The following SMIM41 variants were observed in gnomAD, a reference collection of about 807,000 sequenced individuals.
SMIM41 encodes the protein small integral membrane protein 41.
chr12:52,083,339 G>GT (rs1309276551), intron 1 of SMIM41, among the ~76,000 whole-genome samples: 3 of 152,316 alleles, frequency 2.0e-5, no homozygotes, highest in African/African-American at 4.8e-5. Flanking sequence ...TCTGTGGCCT[G>GT]TTATTAAATA....
At chr12:52,080,903 A>T (rs1426385264) in intron 1 of SMIM41, among the ~76,000 whole-genome samples, 1 of 151,694 alleles carries the variant, frequency 6.6e-6, no homozygotes, top group Non-Finnish European at 1.5e-5. Flanking sequence ...GGGGGAGTAG[A>T]TGTAGCCCAG....
chr12:52,091,222 G>A (rs1939996748), intron 2 of SMIM41, among the ~76,000 whole-genome samples: 1 of 152,006 alleles, frequency 6.6e-6, no homozygotes, highest in Non-Finnish European at 1.5e-5. Flanking sequence ...TTGCTCCATG[G>A]TCCCCTCTGC....
At position 52,107,789 on chromosome 12, in the gene SMIM41, TCA is replaced by T. The variant is rs1940371934; in HGVS notation, c.*607_*608del. 5.3e-6 allele frequency: 2 copies of T among 376,900 alleles called. No homozygotes were observed. The highest frequency in any genetic ancestry group is 3.6e-5 in the Admixed American group (1 of 27,506). The allele number at this position is 376,900 out of a possible 1,614,324, so 23.3% of individuals were successfully genotyped here. ...CTAGTTTTGCTGTCTTTTTTTTTTC[TCA>T]GTCTTTTAGACTCCCAGCTGTACAA... is the stretch of plus-strand genomic sequence containing the variant. On this transcript the variant is annotated 3_prime_UTR_variant, in exon 3 of 3. Transcript: ENST00000546390.
chr12:52,099,943 A>G (rs1237703549), intron 2 of SMIM41, among the ~76,000 whole-genome samples: 1 of 151,974 alleles, frequency 6.6e-6, no homozygotes, highest in African/African-American at 2.4e-5. Flanking sequence ...CCACCCAGGA[A>G]ATTACTAACA....
At chr12:52,096,187 C>T (rs1305739546) in intron 2 of SMIM41, among the ~76,000 whole-genome samples, 2 of 151,104 alleles carry the variant, frequency 1.3e-5, no homozygotes, top group African/African-American at 2.4e-5. Context: ...TCTCCCCCTC[C>T]GGATATTAGG....
At chr12:52,099,966 G>T (rs1356538819) in intron 2 of SMIM41, among the ~76,000 whole-genome samples, 2 of 151,934 alleles carry the variant, frequency 1.3e-5, no homozygotes, top group Non-Finnish European at 2.9e-5. Flanking sequence ...GTCACGGGGG[G>T]TTGTGTACTA....
chr12:52,107,843 TC>T lies in SMIM41; in HGVS notation c.*661del. The T allele has an allele frequency of 2.9e-6, 1 of 350,562 alleles. No homozygotes were observed. The highest frequency in any genetic ancestry group is 2.3e-5 in the South Asian group (1 of 43,658). 21.7% of individuals were successfully genotyped at this position (350,562 alleles called of 1,614,324 possible). On this transcript the variant is annotated 3_prime_UTR_variant, in exon 3 of 3. Coordinates refer to ENST00000546390, the MANE Select transcript of SMIM41 (RefSeq NM_001369216.1). The stretch of plus-strand genomic sequence containing the variant: ...TTGATTGCCTTACTAATGACCTGCT[TC>T]AAGGAGGTGGACATTCCTAATTTCT...
At chr12:52,100,622 A>ATTTTTTTTTTTTTTT (rs1173057236) in intron 2 of SMIM41, among the ~76,000 whole-genome samples, 25 of 111,126 alleles carry the variant, frequency 2.2e-4, no homozygotes, top group African/African-American at 4.2e-4. Flanking sequence ...GCGCCCAGCT[A>ATTTTTTTTTTTTTTT]TTTTTTTTTT....
rs558849585 is a variant in SMIM41 at position 52,089,177 on chromosome 12, T to C, written c.*195+5209T>C. ...AGAGCCTGTCAGATGGTGTATTAGC[T>C]CCTGGGGCTGCCATAACAAATACCA... On this transcript the variant is annotated intron_variant, in intron 2 of 2. Transcript: ENST00000546390. Among the ~76,000 whole-genome samples the C allele has an allele frequency of 2.5e-3, 381 of 152,108 alleles. 1 individual carries two copies. The highest frequency in any genetic ancestry group is 9.0e-3 in the African/African-American group (373 of 41,482).
At chr12:52,083,628 C>T (rs900329707) in intron 1 of SMIM41, among the ~76,000 whole-genome samples, 4 of 152,202 alleles carry the variant, frequency 2.6e-5, no homozygotes, top group Non-Finnish European at 5.9e-5. Context: ...CCGCTTCATT[C>T]AACCAGTCAC....
chr12:52,104,723 C>G (rs759478810), intron 2 of SMIM41, among the ~76,000 whole-genome samples: 2 of 152,084 alleles, frequency 1.3e-5, no homozygotes, highest in Non-Finnish European at 1.5e-5. Context: ...TTTCCTCCCC[C>G]ACTGGTTGTC....
chr12:52,079,750 C>G lies in SMIM41; in HGVS notation c.-30C>G. On this transcript the variant is annotated 5_prime_UTR_variant, in exon 1 of 3. Transcript: ENST00000546390. ...CTGGGCTCCTGCACATCTGGCGATC[C>G]CGCCACATCTGGGCAGCCGGCGCTG... The G allele has an allele frequency of 2.5e-6, 1 of 392,834 alleles. No individual in the cohort carries two copies. The allele number at this position is 392,834 out of a possible 1,614,324, so 24.3% of individuals were successfully genotyped here.
intron 2 of SMIM41, among the ~76,000 whole-genome samples, chr12:52,096,665 T>A (rs1592327407): frequency 6.6e-6 from 1 of 151,844 alleles, no homozygotes; most frequent in Non-Finnish European, 1.5e-5. Flanking sequence ...TTATTAATAA[T>A]TAATATTAAT....
intron 2 of SMIM41, among the ~76,000 whole-genome samples, chr12:52,085,956 G>A (rs1486517069): frequency 1.3e-5 from 2 of 152,186 alleles, no homozygotes; most frequent in Admixed American, 6.5e-5. Flanking sequence ...TGGACAATGA[G>A]TATATAGGAC....
intron 2 of SMIM41, among the ~76,000 whole-genome samples, chr12:52,090,594 C>A (rs1454054348): frequency 6.6e-6 from 1 of 152,152 alleles, no homozygotes; most frequent in Non-Finnish European, 1.5e-5. Flanking sequence ...AGAGAGGCTG[C>A]AGGTGAAGTG....
In SMIM41 at chr12:52,081,160, C is replaced by G. The variant is rs1461051999; in HGVS notation, c.*120+979C>G. Among the ~76,000 whole-genome samples the G allele has an allele frequency of 1.3e-5, 2 of 152,096 alleles. No individual in the cohort carries two copies. The highest frequency in any genetic ancestry group is 4.8e-5 in the African/African-American group (2 of 41,404). The stretch of plus-strand genomic sequence containing the variant: ...GACAGAGCCACAGGGGCTGGAGAGG[C>G]CTTCTCTGTTCCTTCCCTCTGTTCA... On this transcript the variant is annotated intron_variant, in intron 1 of 2. Coordinates refer to ENST00000546390, the MANE Select transcript of SMIM41 (RefSeq NM_001369216.1). The surrounding 1 kb of genome is among the most constrained non-coding windows in gnomAD (Gnocchi z 4.1).
At chr12:52,100,622 A>ATTTTTTTTTT (rs1173057236) in intron 2 of SMIM41, among the ~76,000 whole-genome samples, 2,783 of 111,180 alleles carry the variant, frequency 0.025, no homozygotes, top group Non-Finnish European at 0.035. Context: ...GCGCCCAGCT[A>ATTTTTTTTTT]TTTTTTTTTT....
intron 2 of SMIM41, among the ~76,000 whole-genome samples, chr12:52,092,846 A>G (rs980328418): frequency 6.6e-6 from 1 of 152,220 alleles, no homozygotes; most frequent in Non-Finnish European, 1.5e-5. Flanking sequence ...TTTTTTAGTA[A>G]AGTAGTTTTT....
intron 2 of SMIM41, chr12:52,093,582 T>G (rs937420271): frequency 1.3e-5 from 2 of 152,274 alleles, no homozygotes; most frequent in African/African-American, 4.8e-5. Flanking sequence ...CCTAAAGGCC[T>G]GACTTGCTGT....
Sources: allele counts gnomAD v4.1 joint callset (sites outside exome capture counted in the v4.1 genomes callset), GRCh38; gene constraint gnomAD v4.1.1; non-coding constraint Gnocchi (gnomAD v3.1); transcripts MANE v1.5; gene names NCBI Gene and HGNC (gene_info 2026-07-23, HGNC 2026-07-21).